The following GRM5 variants were observed in gnomAD, a reference collection of about 807,000 sequenced individuals.
GRM5 encodes glutamate metabotropic receptor 5, also known as metabotropic glutamate receptor 5.
Under a neutral mutation model 83.1 loss-of-function variants are expected in GRM5, and 19 were observed. That is an observed-to-expected ratio of 0.23 (90% CI 0.16 to 0.34). The LOEUF (loss-of-function observed/expected upper bound fraction) is 0.34, where lower values mean the gene tolerates loss of function less well. GRM5 is among the 10% of genes least tolerant of loss of function. GRM5 has a pLI of 1.00. For synonymous variants in GRM5, 675 were observed against 633.6 expected (o/e 1.07, Z -0.98); for missense variants, 1,160 against 1,588.3 (o/e 0.73, Z 4.58).
At chr11:88,731,046 T>A (rs1421381511) in intron 3 of GRM5, among the ~76,000 whole-genome samples, 1 of 152,066 alleles carries the variant, frequency 6.6e-6, no homozygotes, top group Non-Finnish European at 1.5e-5. Context: ...CCATTCTGGA[T>A]AGTAGTTACT....
chr11:88,663,239 A>G (rs937460401), intron 3 of GRM5, among the ~76,000 whole-genome samples: 8 of 152,162 alleles, frequency 5.3e-5, no homozygotes, highest in African/African-American at 9.6e-5. Context: ...AGAAAAACCT[A>G]TTAGAATAGT....
In GRM5 at chr11:88,530,501, T is replaced by C. The variant is rs748777003; in HGVS notation, c.2631-5097A>G. On this transcript the variant is annotated intron_variant, in intron 8 of 9. Coordinates refer to ENST00000305447, the MANE Select transcript of GRM5 (RefSeq NM_001143831.3). ...TGTCCAGGAAGTTCTAGCTCTTCTG[T>C]ACTGAGTTCTACAAGAGCCTATACT... 5.1e-4 allele frequency among the ~76,000 whole-genome samples: 78 copies of C among 152,164 alleles called. No homozygotes were observed. In the Middle Eastern group the frequency reaches 0.01, roughly 20 times the overall value.
chr11:88,813,980 CT>C (rs1392889411), intron 3 of GRM5, among the ~76,000 whole-genome samples: 1 of 152,046 alleles, frequency 6.6e-6, no homozygotes, highest in African/African-American at 2.4e-5. Context: ...ACTTAGCCTT[CT>C]AAATTCCAGT....
intron 3 of GRM5, among the ~76,000 whole-genome samples, chr11:88,845,423 CTT>C (rs71046265): frequency 1.1e-5 from 1 of 92,446 alleles, no homozygotes; most frequent in Admixed American, 1.3e-4. Flanking sequence ...ATAAACATAA[CTT>C]TTTTTTTTTT....
chr11:88,616,450 A>AT lies in GRM5; in HGVS notation c.1148-11487dup, dbSNP rs1444093776. On this transcript the variant is annotated intron_variant, in intron 4 of 9. Transcript: ENST00000305447. ...CATTACAATCTGATTTTCATTAAAA[A>AT]TTTTTTACTTTGCTGCATGGAAAAT... Among the ~76,000 whole-genome samples, 13 of 131,392 alleles carry AT rather than the reference A, an allele frequency of 9.9e-5. 1 individual carries two copies. The highest frequency in any genetic ancestry group is 8.1e-4 in the Admixed American group (10 of 12,350). 86.2% of individuals were successfully genotyped at this position (131,392 alleles called of 152,430 possible).
chr11:88,711,721 G>T (rs1021944307), intron 3 of GRM5, among the ~76,000 whole-genome samples: 5 of 152,076 alleles, frequency 3.3e-5, no homozygotes, highest in African/African-American at 1.2e-4. Context: ...AACAGTGTCT[G>T]ACAAATAGTA....
At chr11:88,512,124 G>A (rs1013924294) in intron 9 of GRM5, 1 of 153,790 alleles carries the variant, frequency 6.5e-6, no homozygotes, top group Non-Finnish European at 1.5e-5. Context: ...ATCACCTGTA[G>A]CCATGCCCCA....
chr11:88,963,295 C>T lies in GRM5; in HGVS notation c.661+83917G>A, dbSNP rs1159740750. Among the ~76,000 whole-genome samples, 5 of 152,264 alleles carry T rather than the reference C, an allele frequency of 3.3e-5. No individual in the cohort carries two copies. The East Asian group carries it at 9.7e-4, about 29-fold the overall frequency. On this transcript the variant is annotated intron_variant, in intron 2 of 9. Coordinates refer to ENST00000305447, the MANE Select transcript of GRM5 (RefSeq NM_001143831.3). ...TGGTCATTCCCCAATATTTATTATGCCTTTCTAATAGTAATAAAATTACGA... is the reference window on the plus strand; with the variant it reads ...TGGTCATTCCCCAATATTTATTATGTCTTTCTAATAGTAATAAAATTACGA...
chr11:89,049,549 A>C (rs570104476), intron 1 of GRM5, among the ~76,000 whole-genome samples: 14 of 152,328 alleles, frequency 9.2e-5, no homozygotes, highest in Admixed American at 2.6e-4. Flanking sequence ...AAGGTCATCA[A>C]ATCTACAAAA....
intron 3 of GRM5, among the ~76,000 whole-genome samples, chr11:88,827,449 G>A (rs1398088488): frequency 6.6e-6 from 1 of 152,162 alleles, no homozygotes; most frequent in African/African-American, 2.4e-5. Context: ...AATATGTTAT[G>A]CTCTTCTTGC....
intron 3 of GRM5, among the ~76,000 whole-genome samples, chr11:88,719,676 C>G (rs1941487881): frequency 6.6e-6 from 1 of 152,006 alleles, no homozygotes; most frequent in Admixed American, 6.6e-5. Flanking sequence ...ATTTACACTC[C>G]CACCAACAGT....
chr11:88,717,198 A>T (rs1375195345), intron 3 of GRM5, among the ~76,000 whole-genome samples: 1 of 151,936 alleles, frequency 6.6e-6, no homozygotes, highest in African/African-American at 2.4e-5. Context: ...GATAATCAAT[A>T]TAATGGCCAT....
intron 6 of GRM5, among the ~76,000 whole-genome samples, chr11:88,592,530 C>T (rs1050649249): frequency 6.6e-6 from 1 of 152,092 alleles, no homozygotes; most frequent in African/African-American, 2.4e-5. Flanking sequence ...GTTGCATTTC[C>T]CCCCACTAGA....
At chr11:88,767,991 T>C (rs964053722) in intron 3 of GRM5, among the ~76,000 whole-genome samples, 6 of 151,984 alleles carry the variant, frequency 3.9e-5, no homozygotes, top group Admixed American at 6.6e-5. Flanking sequence ...ATGCTGTTTA[T>C]AGAAGTATAA....
intron 2 of GRM5, among the ~76,000 whole-genome samples, chr11:89,041,973 G>C (rs538186790): frequency 1.3e-5 from 2 of 152,234 alleles, no homozygotes; most frequent in Admixed American, 6.5e-5. Flanking sequence ...CCTTCGATAC[G>C]ACCCAGGAAA....
intron 8 of GRM5, among the ~76,000 whole-genome samples, chr11:88,553,938 G>C (rs1942566989): frequency 6.6e-6 from 1 of 152,144 alleles, no homozygotes; most frequent in Admixed American, 6.5e-5. Context: ...ACCTTTTAAG[G>C]AGTGTTGTGG....
intron 3 of GRM5, among the ~76,000 whole-genome samples, chr11:88,806,976 T>G (rs1469290087): frequency 1.3e-5 from 2 of 152,194 alleles, no homozygotes; most frequent in Non-Finnish European, 2.9e-5. Context: ...AAATATTGCT[T>G]CTTCTGTGAA....
chr11:88,678,075 TA>T (rs1322610399), intron 3 of GRM5, among the ~76,000 whole-genome samples: 5 of 151,628 alleles, frequency 3.3e-5, no homozygotes, highest in African/African-American at 1.2e-4. Context: ...TTTTTTTTTT[TA>T]GAGACAGTGT....
At chr11:88,527,789 C>T (rs1376900930) in intron 8 of GRM5, among the ~76,000 whole-genome samples, 4 of 152,022 alleles carry the variant, frequency 2.6e-5, no homozygotes, top group Non-Finnish European at 4.4e-5. Flanking sequence ...GTCCTTTACA[C>T]ATGAATAGCA....
Sources: gnomAD v4.1 joint callset for allele counts (sites outside exome capture counted in the v4.1 genomes callset) on GRCh38, gnomAD v4.1.1 for gene constraint, MANE v1.5 for transcripts, NCBI Gene and HGNC (gene_info 2026-07-23, HGNC 2026-07-21) for gene names.